STX5: variants seen among roughly 807,000 people sequenced by gnomAD.
The protein encoded by STX5 is syntaxin 5.
A neutral mutation model predicts 42.9 loss-of-function variants in STX5; 15 were observed. That is an observed-to-expected ratio of 0.35 (90% CI 0.23 to 0.54). The LOEUF is 0.54. Ranked by LOEUF, STX5 falls within the 20% of genes least tolerant of loss-of-function variation. The pLI is 0.91. For synonymous variants in STX5, 184 were observed against 173.2 expected, an observed-to-expected ratio of 1.06 and a Z score of -0.49; for missense variants, 430 against 455.0, an observed-to-expected ratio of 0.95 and a Z score of 0.50.
chr11:62,829,561 C>T (rs568501958), intron 2 of STX5, among the ~76,000 whole-genome samples: 22 of 151,830 alleles, frequency 1.4e-4, no homozygotes, highest in African/African-American at 5.1e-4. Flanking sequence ...CCCAGAAGTT[C>T]GAGACCAGCC....
chr11:62,827,488 C>T, intron 3 of STX5, 73 bp downstream of exon 3: 1 of 1,612,682 alleles, frequency 6.2e-7, no homozygotes, highest in South Asian at 1.1e-5. Flanking sequence ...ACTTCACAGC[C>T]AAGGCCACTG....
intron 10 of STX5, 30 bp from the exon 11 acceptor site, chr11:62,807,658 A>G: frequency 6.2e-7 from 1 of 1,612,880 alleles, no homozygotes. Context: ...AAGAGGAAAC[A>G]AAAGGACACT....
At chr11:62,831,319 GC>G in intron 1 of STX5, 57 bp from the exon 2 acceptor site, 2 of 1,238,070 alleles carry the variant, frequency 1.6e-6, no homozygotes. Context: ...AAACTCCCCC[GC>G]CCCACCCCAA....
chr11:62,831,065 C>T lies in STX5; in HGVS notation c.179G>A (p.Arg60Gln). The T allele has an allele frequency of 6.4e-7, 1 of 1,555,790 alleles. No homozygotes were observed. Among genetic ancestry groups the T allele is most frequent in the Non-Finnish European group, 8.7e-7 (1 of 1,150,166 alleles). ...PPPDTMSCRD[R>Q]TQEFLSACKS... ...GCAGGCAGACAGAAACTCCTGGGTC[C>T]GATCCCGGCAGGACATGGTGTCGGG... Residue 60 changes from arginine to glutamine, a missense_variant, in exon 2 of 11, where the codon CGG becomes CAG. Transcript: ENST00000294179.
chr11:62,812,412 A>G lies in STX5; in HGVS notation c.909-4784T>C, dbSNP rs115110128. On this transcript the variant is annotated intron_variant, in intron 10 of 10. Transcript: ENST00000294179. ...TTTATAATTCTGTTTCACTGACTCTATAATATTCTTTTTTTTGGAAACGGT... is the reference window on the plus strand; with the variant it reads ...TTTATAATTCTGTTTCACTGACTCTGTAATATTCTTTTTTTTGGAAACGGT... Among the ~76,000 whole-genome samples the G allele has an allele frequency of 8.1e-3, 1,227 of 150,656 alleles. 8 individuals are homozygous for G. Among genetic ancestry groups the G allele is most frequent in the Middle Eastern group, 0.014 (4 of 290 alleles).
At chr11:62,819,708 G>GT (rs2084717694) in intron 10 of STX5, among the ~76,000 whole-genome samples, 1 of 150,372 alleles carries the variant, frequency 6.7e-6, no homozygotes, top group South Asian at 2.1e-4. Context: ...TTTTGTTTTT[G>GT]TTTTTTCAGA....
chr11:62,808,218 G>A (rs1027200721), intron 10 of STX5, among the ~76,000 whole-genome samples: 1 of 152,112 alleles, frequency 6.6e-6, no homozygotes, highest in Non-Finnish European at 1.5e-5. Context: ...TTGAGCTCAC[G>A]AGTTTGAGAC....
chr11:62,828,600 C>T (rs940327696), intron 2 of STX5, among the ~76,000 whole-genome samples: 1 of 151,892 alleles, frequency 6.6e-6, no homozygotes, highest in African/African-American at 2.4e-5. Context: ...GTGGCATGCA[C>T]CTGTAGTCCC....
chr11:62,831,328 C>G, intron 1 of STX5, 66 bp from the exon 2 acceptor site: 2 of 1,182,586 alleles, frequency 1.7e-6, no homozygotes, highest in African/African-American at 1.5e-5. Flanking sequence ...CGCCCCACCC[C>G]AATCAACAAA....
intron 10 of STX5, among the ~76,000 whole-genome samples, chr11:62,821,207 C>T (rs2084736471): frequency 6.6e-6 from 1 of 151,912 alleles, no homozygotes; most frequent in Non-Finnish European, 1.5e-5. Context: ...ACTCGGGAGG[C>T]TCAGGCAGGA....
intron 10 of STX5, among the ~76,000 whole-genome samples, chr11:62,816,754 T>G (rs2084677855): frequency 2.7e-3 from 1 of 374 alleles, no homozygotes; most frequent in East Asian, 0.25. Flanking sequence ...AAGAATTAGC[T>G]GGGTATGGGG....
intron 10 of STX5, among the ~76,000 whole-genome samples, chr11:62,822,452 T>C (rs1472574943): frequency 6.6e-6 from 1 of 152,084 alleles, no homozygotes; most frequent in Non-Finnish European, 1.5e-5. Context: ...GGTCTCACAG[T>C]TCCCCTCTGA....
intron 5 of STX5, 83 bp from the exon 6 acceptor site, chr11:62,825,622 G>T: frequency 8.1e-7 from 1 of 1,242,014 alleles, no homozygotes; most frequent in Non-Finnish European, 1.2e-6. Context: ...TCTCTGGTAG[G>T]AAGGACAAGG....
chr11:62,813,882 T>C (rs996148370), intron 10 of STX5, among the ~76,000 whole-genome samples: 1 of 152,180 alleles, frequency 6.6e-6, no homozygotes, highest in Non-Finnish European at 1.5e-5. Context: ...CCTTGATTTA[T>C]GCCCCGGAGC....
intron 10 of STX5, among the ~76,000 whole-genome samples, chr11:62,814,878 G>A (rs2084656663): frequency 6.6e-6 from 1 of 152,136 alleles, no homozygotes; most frequent in South Asian, 2.1e-4. Context: ...ACAGGTGTGA[G>A]CCACTATGCC....
chr11:62,826,564 T>A (rs1168735982), intron 5 of STX5, among the ~76,000 whole-genome samples: 4 of 149,266 alleles, frequency 2.7e-5, no homozygotes, highest in Non-Finnish European at 4.4e-5. Context: ...TCTCAAAAAA[T>A]AATAATAAAT....
intron 5 of STX5, among the ~76,000 whole-genome samples, chr11:62,826,511 C>T (rs1313761092): frequency 1.3e-5 from 2 of 151,958 alleles, no homozygotes; most frequent in Non-Finnish European, 2.9e-5. Flanking sequence ...GAGCTGAGAT[C>T]GCGCCACTGT....
At chr11:62,823,174 C>T (rs1416860081) in intron 10 of STX5, among the ~76,000 whole-genome samples, 1 of 148,482 alleles carries the variant, frequency 6.7e-6, no homozygotes, top group Non-Finnish European at 1.5e-5. Context: ...CCTACTTAGT[C>T]ACTTTCTTTT....
intron 5 of STX5, among the ~76,000 whole-genome samples, chr11:62,825,745 C>T (rs572754084): frequency 6.6e-6 from 1 of 152,252 alleles, no homozygotes; most frequent in East Asian, 1.9e-4. Flanking sequence ...AGAAGAGCTA[C>T]AAAGAGGCAA....
Sources: gnomAD v4.1 joint callset for allele counts (sites outside exome capture counted in the v4.1 genomes callset) on GRCh38, gnomAD v4.1.1 for gene constraint, MANE v1.5 for transcripts, NCBI Gene and HGNC (gene_info 2026-07-23, HGNC 2026-07-21) for gene names.